ZNF362: variants seen among roughly 807,000 people sequenced by gnomAD.
ZNF362 encodes rotund homolog.
Under a neutral mutation model 42.9 loss-of-function variants are expected in ZNF362, and 11 were observed. The ratio of observed to expected loss-of-function variants is 0.26; its 90% confidence interval spans 0.16 to 0.42. The LOEUF (loss-of-function observed/expected upper bound fraction) is 0.42, where lower values mean the gene tolerates loss of function less well. ZNF362 is among the 20% of genes least tolerant of loss of function. ZNF362 has a pLI of 1.00. For missense variants in ZNF362, 362 were observed against 576.2 expected (o/e 0.63, Z 3.81); for synonymous variants, 255 against 257.3 (o/e 0.99, Z 0.09).
At chr1:33,227,055 A>G in the ZNF362 span, among the ~76,000 whole-genome samples, 3 of 152,282 alleles carry the variant, frequency 2.0e-5, no homozygotes, top group East Asian at 3.9e-4. Context: ...AGTGATAACT[A>G]TAGGGTACAA....
chr1:33,293,817 A>G (rs956527430), intron 6 of ZNF362, among the ~76,000 whole-genome samples: 2 of 152,162 alleles, frequency 1.3e-5, no homozygotes, highest in African/African-American at 4.8e-5. Context: ...ATTTGTGGAC[A>G]TCATCACCCA....
the ZNF362 span, chr1:33,176,563 C>T: frequency 1.3e-3 from 757 of 597,098 alleles, 1 homozygote; most frequent in Non-Finnish European, 2.1e-3. Flanking sequence ...GCCAGAGAGC[C>T]GGATGCCACG....
At chr1:33,176,432 C>T in the ZNF362 span, 3 of 698,410 alleles carry the variant, frequency 4.3e-6, no homozygotes, top group South Asian at 4.5e-5. Context: ...AAGGCTGATC[C>T]ACTGCTGTCT....
At chr1:33,238,406 A>AAAAT in the ZNF362 span, among the ~76,000 whole-genome samples, 24 of 150,064 alleles carry the variant, frequency 1.6e-4, no homozygotes, top group Middle Eastern at 3.5e-3. Flanking sequence ...AAAATAAAAT[A>AAAAT]AAAAAAGAGA....
the ZNF362 span, among the ~76,000 whole-genome samples, chr1:33,227,509 G>T: frequency 6.6e-6 from 1 of 152,114 alleles, no homozygotes; most frequent in African/African-American, 2.4e-5. Context: ...GCCATCCAAG[G>T]CCAGGAGCCA....
the ZNF362 span, among the ~76,000 whole-genome samples, chr1:33,191,489 T>C: frequency 1.5e-5 from 1 of 67,622 alleles, no homozygotes; most frequent in African/African-American, 4.6e-5. Flanking sequence ...TAAACATCCT[T>C]TTTTTTGTTT....
At chr1:33,148,263 C>T in the ZNF362 span, among the ~76,000 whole-genome samples, 172 of 152,322 alleles carry the variant, frequency 1.1e-3, 1 homozygote, top group South Asian at 3.1e-3. Flanking sequence ...TCCCAGCAGA[C>T]ATTCATGTGG....
At position 33,294,144 on chromosome 1, in the gene ZNF362, A is replaced by G. The variant is rs1007986901; in HGVS notation, c.909-793A>G. On this transcript the variant is annotated intron_variant, in intron 6 of 8. Transcript: ENST00000539719. This position sits in a 1 kb window ranked among gnomAD's most constrained non-coding sequence, Gnocchi z 4.2. ...TACCCAATGTAATGAATGTGAATGAATAACGATAACTGGCAAACGTTGAGT... is the reference window on the plus strand; with the variant it reads ...TACCCAATGTAATGAATGTGAATGAGTAACGATAACTGGCAAACGTTGAGT... 3.3e-5 allele frequency among the ~76,000 whole-genome samples: 5 copies of G among 152,256 alleles called. No homozygotes were observed. In the East Asian group the frequency reaches 9.6e-4, roughly 29 times the overall value.
intron 2 of ZNF362, among the ~76,000 whole-genome samples, chr1:33,270,962 G>T (rs566758777): frequency 8.5e-5 from 13 of 152,286 alleles, no homozygotes; most frequent in Admixed American, 2.0e-4. Context: ...GGGTCACCTT[G>T]CATGCTTCCT....
At chr1:33,179,581 T>C in the ZNF362 span, among the ~76,000 whole-genome samples, 6 of 152,276 alleles carry the variant, frequency 3.9e-5, no homozygotes, top group East Asian at 5.8e-4. Flanking sequence ...CGCTCCACAG[T>C]GTGGTCCAGC....
chr1:33,150,715 CCA>C, the ZNF362 span, among the ~76,000 whole-genome samples: 1 of 152,108 alleles, frequency 6.6e-6, no homozygotes, highest in South Asian at 2.1e-4. Context: ...TGGGCAATTC[CCA>C]CAGTGGGGTC....
the ZNF362 span, among the ~76,000 whole-genome samples, chr1:33,227,736 A>T: frequency 0.91 from 139,119 of 152,186 alleles, 64,313 homozygotes; most frequent in Non-Finnish European, 0.98. Flanking sequence ...AGGCCACCAG[A>T]CCTACTCCTG....
At chr1:33,149,743 C>T in the ZNF362 span, among the ~76,000 whole-genome samples, 1 of 152,244 alleles carries the variant, frequency 6.6e-6, no homozygotes, top group Non-Finnish European at 1.5e-5. Context: ...GTGTGAGCCA[C>T]TGCACCTGGC....
At chr1:33,207,761 G>A in the ZNF362 span, among the ~76,000 whole-genome samples, 1 of 152,160 alleles carries the variant, frequency 6.6e-6, no homozygotes, top group Non-Finnish European at 1.5e-5. Context: ...TTTAAGAAGT[G>A]TCTGTTCATA....
At chr1:33,205,245 A>G in the ZNF362 span, among the ~76,000 whole-genome samples, 1 of 152,174 alleles carries the variant, frequency 6.6e-6, no homozygotes, top group Non-Finnish European at 1.5e-5. Context: ...GCACTTTGGG[A>G]GGCTGAGGCA....
At chr1:33,202,745 GA>G in the ZNF362 span, among the ~76,000 whole-genome samples, 2 of 151,866 alleles carry the variant, frequency 1.3e-5, no homozygotes, top group African/African-American at 4.8e-5. Context: ...AATTGATGCA[GA>G]AAAAAAATTT....
chr1:33,267,868 G>A (rs1348060858), intron 1 of ZNF362, among the ~76,000 whole-genome samples: 1 of 152,182 alleles, frequency 6.6e-6, no homozygotes, highest in African/African-American at 2.4e-5. Flanking sequence ...GGATGACCAA[G>A]AATGGGATCA....
intron 6 of ZNF362, among the ~76,000 whole-genome samples, chr1:33,284,961 T>C (rs1017863951): frequency 6.6e-6 from 1 of 152,196 alleles, no homozygotes; most frequent in African/African-American, 2.4e-5. Flanking sequence ...CTTTTCTAGC[T>C]CAAAGCAGAG....
chr1:33,143,695 T>G, the ZNF362 span, among the ~76,000 whole-genome samples: 1 of 152,174 alleles, frequency 6.6e-6, no homozygotes, highest in East Asian at 1.9e-4. Flanking sequence ...ACCTCCCTCA[T>G]TCTGTGGGTG....
Sources: allele counts gnomAD v4.1 joint callset (sites outside exome capture counted in the v4.1 genomes callset), GRCh38; gene constraint gnomAD v4.1.1; non-coding constraint Gnocchi (gnomAD v3.1); transcripts MANE v1.5; gene names NCBI Gene and HGNC (gene_info 2026-07-23, HGNC 2026-07-21).